The following KCNJ6 variants were observed in gnomAD, a reference collection of about 807,000 sequenced individuals.
KCNJ6 encodes potassium inwardly rectifying channel subfamily J member 6.
A neutral mutation model predicts 34.2 loss-of-function variants in KCNJ6; 9 were observed. The ratio of observed to expected loss-of-function variants is 0.26; its 90% CI spans 0.16 to 0.46. The LOEUF (loss-of-function observed/expected upper bound fraction) is 0.46. Ranked by LOEUF, KCNJ6 falls within the 20% of genes least tolerant of loss-of-function variation. The pLI is 1.00. For synonymous variants in KCNJ6, 196 were observed against 207.1 expected, an observed-to-expected ratio of 0.95 and a Z score of 0.46; for missense variants, 236 against 531.3, an observed-to-expected ratio of 0.44 and a Z score of 5.46.
intron 1 of KCNJ6, among the ~76,000 whole-genome samples, chr21:37,856,382 A>G (rs1158334720): frequency 6.6e-6 from 1 of 150,988 alleles, no homozygotes; most frequent in Non-Finnish European, 1.5e-5. Flanking sequence ...TCCTCTCCCT[A>G]CTCCTTGCTG....
chr21:37,686,938 C>T (rs2054618395), intron 3 of KCNJ6, among the ~76,000 whole-genome samples: 1 of 152,110 alleles, frequency 6.6e-6, no homozygotes, highest in Non-Finnish European at 1.5e-5. Flanking sequence ...GGACAAAACC[C>T]AGAGAGCACT....
chr21:37,650,938 G>A (rs1165998047), intron 3 of KCNJ6, among the ~76,000 whole-genome samples: 1 of 152,090 alleles, frequency 6.6e-6, no homozygotes, highest in Non-Finnish European at 1.5e-5. Context: ...CAATTCTATT[G>A]CCACTCCTTG....
In KCNJ6 at chr21:37,907,421, T is replaced by C. The variant is rs113454191; in HGVS notation, c.-28+8463A>G. Among the ~76,000 whole-genome samples the C allele has an allele frequency of 4.0e-3, 605 of 152,314 alleles. 1 individual carries two copies. Among genetic ancestry groups the C allele is most frequent in the Non-Finnish European group, 6.4e-3 (435 of 68,032 alleles). ...GAGTGGTGAGGTCCAGTCTGATTTG[T>C]TGACTGAGCCTGAAGGGCATCGCTT... On this transcript the variant is annotated intron_variant, in intron 1 of 3. Coordinates refer to ENST00000609713, the MANE Select transcript of KCNJ6 (RefSeq NM_002240.5).
chr21:37,784,322 G>A (rs1452023024), intron 2 of KCNJ6, among the ~76,000 whole-genome samples: 2 of 152,122 alleles, frequency 1.3e-5, no homozygotes. Context: ...CCCACCCCAG[G>A]CTAAGGCCTG....
chr21:37,785,101 A>G (rs776745162), intron 2 of KCNJ6, among the ~76,000 whole-genome samples: 55 of 152,314 alleles, frequency 3.6e-4, no homozygotes, highest in Middle Eastern at 3.4e-3. Flanking sequence ...AACAGCTGAC[A>G]GGAGTGGATT....
At chr21:37,689,004 ATTGGTGATATAAATCACCATATATCG>A (rs1243960426) in intron 3 of KCNJ6, among the ~76,000 whole-genome samples, 3 of 152,246 alleles carry the variant, frequency 2.0e-5, no homozygotes, top group Non-Finnish European at 4.4e-5. Context: ...TGCATATATC[ATTGGTGATATAAATCACCATATATCG>A]TTGGTGATAA....
intron 2 of KCNJ6, among the ~76,000 whole-genome samples, chr21:37,828,352 C>T (rs2055408665): frequency 6.6e-6 from 1 of 152,146 alleles, no homozygotes; most frequent in East Asian, 1.9e-4. Context: ...TGCCATCCAC[C>T]TTCATCTGAG....
chr21:37,849,807 T>G (rs925623865), intron 1 of KCNJ6, among the ~76,000 whole-genome samples: 1 of 152,216 alleles, frequency 6.6e-6, no homozygotes, highest in South Asian at 2.1e-4. Flanking sequence ...GTAGGACTTG[T>G]CATTCTTGGA....
At chr21:37,630,119 GCCAAGA>G in intron 3 of KCNJ6, among the ~76,000 whole-genome samples, 1 of 82,206 alleles carries the variant, frequency 1.2e-5, no homozygotes, top group Non-Finnish European at 2.6e-5. Flanking sequence ...AGGCAGAACT[GCCAAGA>G]TGACATCTCT....
chr21:37,652,004 T>G (rs1203656394), intron 3 of KCNJ6, among the ~76,000 whole-genome samples: 1 of 152,158 alleles, frequency 6.6e-6, no homozygotes, highest in Admixed American at 6.5e-5. Context: ...GTCACTGGTG[T>G]ACAGTAGCTG....
intron 2 of KCNJ6, among the ~76,000 whole-genome samples, chr21:37,756,843 G>A (rs2055030225): frequency 7.0e-6 from 1 of 142,604 alleles, no homozygotes; most frequent in African/African-American, 2.6e-5. Context: ...TTCCAGCCCA[G>A]AGTGAGCACT....
chr21:37,896,248 G>A (rs1042929789), intron 1 of KCNJ6, among the ~76,000 whole-genome samples: 1 of 152,276 alleles, frequency 6.6e-6, no homozygotes, highest in African/African-American at 2.4e-5. Flanking sequence ...TGAGAAATTC[G>A]TCTCCATAAT....
intron 2 of KCNJ6, among the ~76,000 whole-genome samples, chr21:37,793,347 T>A (rs1402325160): frequency 2.0e-5 from 3 of 151,962 alleles, no homozygotes; most frequent in Admixed American, 1.3e-4. Context: ...ACACCATGAG[T>A]CACCTCTCTC....
At chr21:37,668,806 A>G (rs1384602321) in intron 3 of KCNJ6, among the ~76,000 whole-genome samples, 1 of 152,214 alleles carries the variant, frequency 6.6e-6, no homozygotes, top group African/African-American at 2.4e-5. Flanking sequence ...TACTGACTCT[A>G]GTATAACATC....
intron 3 of KCNJ6, among the ~76,000 whole-genome samples, chr21:37,663,219 C>G (rs2054498196): frequency 6.6e-6 from 1 of 151,948 alleles, no homozygotes; most frequent in Non-Finnish European, 1.5e-5. Context: ...AATTTATATT[C>G]CATGGGATCT....
chr21:37,815,493 T>G (rs887666587), intron 2 of KCNJ6, among the ~76,000 whole-genome samples: 17 of 152,126 alleles, frequency 1.1e-4, no homozygotes, highest in Non-Finnish European at 2.4e-4. Context: ...CTCTGTGCAG[T>G]GTAATCACCA....
chr21:37,711,740 C>T (rs1569449857), intron 3 of KCNJ6, among the ~76,000 whole-genome samples: 2 of 152,030 alleles, frequency 1.3e-5, no homozygotes, highest in African/African-American at 2.4e-5. Flanking sequence ...TGTATGATTC[C>T]CCTGAGGAAA....
intron 3 of KCNJ6, among the ~76,000 whole-genome samples, chr21:37,627,011 A>AC (rs750123925): frequency 6.6e-6 from 1 of 152,158 alleles, no homozygotes; most frequent in Non-Finnish European, 1.5e-5. Context: ...ATCTGTTAGG[A>AC]CCACCAATAA....
intron 3 of KCNJ6, among the ~76,000 whole-genome samples, chr21:37,684,548 A>C (rs8129014): frequency 0.078 from 11,830 of 152,250 alleles, 1,155 homozygotes; most frequent in African/African-American, 0.22. Flanking sequence ...ATGTTAGCAT[A>C]GGAAGGTTAG....
Sources: gnomAD v4.1 joint callset for allele counts (sites outside exome capture counted in the v4.1 genomes callset) on GRCh38, gnomAD v4.1.1 for gene constraint, MANE v1.5 for transcripts, NCBI Gene and HGNC (gene_info 2026-07-23, HGNC 2026-07-21) for gene names.